Variants in RCCD1 observed in about 807,000 individuals in gnomAD.
The protein encoded by RCCD1 is RCC1 domain-containing protein 1.
A neutral mutation model predicts 37.6 loss-of-function variants in RCCD1; 40 were observed. That is an observed-to-expected ratio of 1.06 (90% CI 0.83 to 1.39). RCCD1 has a LOEUF of 1.39. Among genes scored for constraint, RCCD1 ranks in the 40% most tolerant of loss-of-function variants. RCCD1 has a pLI of 0.00. For synonymous variants in RCCD1, 263 were observed against 230.0 expected (o/e 1.14, Z -1.30); for missense variants, 577 against 517.3 (o/e 1.12, Z -1.12).
intron 4 of RCCD1, 75 bp downstream of exon 4, chr15:90,957,800 G>A (rs1443773620): frequency 2.0e-6 from 3 of 1,523,498 alleles, no homozygotes; most frequent in Non-Finnish European, 2.7e-6. Flanking sequence ...CAGTTTGGGT[G>A]GGGGCCTACC....
Position 90,957,409 on chromosome 15 carries a change from G to C in RCCD1, c.463G>C (p.Ala155Pro), listed in dbSNP as rs2037221470. Residue 155 changes from alanine (A) to proline (P), a missense_variant, in exon 3 of 8, where the codon GCT becomes CCT. Ala to Pro is a conservative substitution (Grantham distance 27, BLOSUM62 -1). Transcript: ENST00000394258. ...SPRAPFYRPL[A>P]PELRARQLEL... Reference sequence around the variant, plus strand: ...GCGGGCGCCCTTCTACCGGCCTCTGGCTCCGGAGCTGCGGGCACGCCAGCT... The same window carrying C: ...GCGGGCGCCCTTCTACCGGCCTCTGCCTCCGGAGCTGCGGGCACGCCAGCT... The C allele has an allele frequency of 1.9e-6, 3 of 1,540,994 alleles. No homozygotes were observed. In the African/African-American group the frequency reaches 4.1e-5, roughly 21 times the overall value.
chr15:90,959,589 G>T (rs2037272334), intron 4 of RCCD1, among the ~76,000 whole-genome samples: 1 of 152,170 alleles, frequency 6.6e-6, no homozygotes, highest in South Asian at 2.1e-4. Context: ...CCTGGCCCTG[G>T]CCCAGTGGTT....
intron 5 of RCCD1, 107 bp downstream of exon 5, chr15:90,960,105 TG>T: frequency 1.9e-6 from 2 of 1,026,308 alleles, no homozygotes; most frequent in Non-Finnish European, 2.9e-6. Context: ...ATGGAGCATG[TG>T]AGCCCCTTAT....
rs184420131 is a variant in RCCD1, at chr15:90,957,014, T to G, written c.167-99T>G. 3.5e-4 allele frequency: 456 copies of G among 1,284,624 alleles called. No homozygotes were observed. The African/African-American group carries it at 6.2e-3, about 18-fold the overall frequency. 79.6% of individuals were successfully genotyped at this position (1,284,624 alleles called of 1,614,324 possible). A position where few individuals can be genotyped will look rare whatever the true frequency, so the allele number is the denominator to read the frequency against. On this transcript the variant is annotated intron_variant, in intron 2 of 7. Coordinates refer to ENST00000394258, the MANE Select transcript of RCCD1 (RefSeq NM_001017919.2). ...CCCGTTCAGGCCGCCAGCCCCACAT[T>G]CTGGGTTGGTCCCCAATTCGACCCC...
At chr15:90,957,878 C>T (rs1378614600) in intron 4 of RCCD1, among the ~76,000 whole-genome samples, 153 bp downstream of exon 4, 1 of 152,186 alleles carries the variant, frequency 6.6e-6, no homozygotes, top group African/African-American at 2.4e-5. Context: ...CTCTCACCCT[C>T]GGCCTCCTCT....
chr15:90,957,492 GGGCGGGGGCAGGTGAGCGGA>G lies in RCCD1; in HGVS notation c.557+6_557+25del, dbSNP rs763116164. The G allele has an allele frequency of 1.1e-4, 172 of 1,557,480 alleles. 1 individual carries two copies. The Middle Eastern group carries it at 3.3e-3, about 30-fold the overall frequency. On this transcript the variant is annotated splice_donor_variant and splice_donor_5th_base_variant and coding_sequence_variant and intron_variant, in exon 3 of 8. Coordinates refer to ENST00000394258, the MANE Select transcript of RCCD1 (RefSeq NM_001017919.2). LOFTEE classifies it high-confidence loss of function. ...ACGCTGCTGGCCAGGTGTTCTCCTG[GGGCGGGGGCAGGTGAGCGGA>G]GGCGGGGGCAGGTGAGGGCTGCTGA...
At chr15:90,957,551 C>T (rs373622747) in intron 3 of RCCD1, 48 bp downstream of exon 3, 1 of 1,609,852 alleles carries the variant, frequency 6.2e-7, no homozygotes, top group Non-Finnish European at 8.5e-7. Context: ...GAGAAGCAAG[C>T]GGAGCGGGAC....
At chr15:90,960,145 G>A (rs1174643706) in intron 5 of RCCD1, 147 bp downstream of exon 5, 8 of 907,640 alleles carry the variant, frequency 8.8e-6, no homozygotes, top group Non-Finnish European at 1.3e-5. Context: ...GGCTGATGCC[G>A]GTCTTGGCAC....
chr15:90,960,813 C>T (rs2037299777), intron 6 of RCCD1: 5 of 662,868 alleles, frequency 7.5e-6, no homozygotes, highest in Non-Finnish European at 1.4e-5. Flanking sequence ...CGCTCGGTAG[C>T]ATGGCACACA....
chr15:90,957,685 T>C lies in RCCD1; in HGVS notation c.639T>C (p.Ala213=). ...LLEALQGLVM[A]EVAAGGWHSV... ...AGGCGTTGCAGGGCCTAGTCATGGC[T>C]GAGGTGGCCGCGGGGGGCTGGCATT... is the stretch of plus-strand genomic sequence containing the variant. Residue 213 remains alanine, a synonymous_variant, in exon 4 of 8, where the codon GCT becomes GCC. Transcript: ENST00000394258. 1 of 1,613,556 alleles carries C rather than the reference T, an allele frequency of 6.2e-7. No homozygotes were observed.
intron 4 of RCCD1, among the ~76,000 whole-genome samples, chr15:90,959,125 C>T (rs1105292): frequency 0.24 from 36,718 of 151,876 alleles, 6,091 homozygotes; most frequent in East Asian, 0.49. Flanking sequence ...TGCTCGGGCC[C>T]TGGGACCTCG....
At position 90,961,805 on chromosome 15, in the gene RCCD1, A is replaced by AC. The variant is rs746753093; in HGVS notation, c.*41dup. On this transcript the variant is annotated 3_prime_UTR_variant, in exon 8 of 8. Coordinates refer to ENST00000394258, the MANE Select transcript of RCCD1 (RefSeq NM_001017919.2). ...TATATGTATATGCAACACCTGTGAGACCCCCATTCAGGTCAAGGAAAACCA... is the reference window on the plus strand; with the variant it reads ...TATATGTATATGCAACACCTGTGAGACCCCCCATTCAGGTCAAGGAAAACCA... The AC allele has an allele frequency of 6.3e-7, 1 of 1,586,048 alleles. No individual in the cohort carries two copies. The highest frequency in any genetic ancestry group is 1.1e-5 in the South Asian group (1 of 87,928).
Position 90,961,896 on chromosome 15 carries a change from C to A in RCCD1, c.*127C>A. On this transcript the variant is annotated 3_prime_UTR_variant, in exon 8 of 8. Transcript: ENST00000394258. Reference sequence around the variant, plus strand: ...CACAGTCCTGCCCTTCACCCTCAAGCACGGTCCTAAACTTGTCTGCACTTT... The same window carrying A: ...CACAGTCCTGCCCTTCACCCTCAAGAACGGTCCTAAACTTGTCTGCACTTT... 1.1e-6 allele frequency: 1 copy of A among 910,974 alleles called. No homozygotes were observed. The highest frequency in any genetic ancestry group is 1.7e-6 in the Non-Finnish European group (1 of 605,706). The allele number at this position is 910,974 out of a possible 1,614,324, so 56.4% of individuals were successfully genotyped here.
At chr15:90,957,777 C>T in intron 4 of RCCD1, 52 bp downstream of exon 4, 1 of 1,542,154 alleles carries the variant, frequency 6.5e-7, no homozygotes, top group Non-Finnish European at 8.8e-7. Context: ...TGCAAACCTT[C>T]CTCCTCGTTT....
chr15:90,957,137 G>T lies in RCCD1; in HGVS notation c.191G>T (p.Gly64Val). 7.4e-7 allele frequency: 1 copy of T among 1,359,424 alleles called. No individual in the cohort carries two copies. Among genetic ancestry groups the T allele is most frequent in the South Asian group, 1.8e-5 (1 of 55,944 alleles). 84.2% of individuals were successfully genotyped at this position (1,359,424 alleles called of 1,614,324 possible). The change falls in exon 3 of 8, where the codon GGC becomes GTC. Residue 64 changes from glycine to valine, a missense_variant. Gly to Val is a moderately radical substitution (Grantham distance 109). Coordinates refer to ENST00000394258, the MANE Select transcript of RCCD1 (RefSeq NM_001017919.2). ...GGTGGAGGCCGCTTGGAGCTGTCGG[G>T]CTCAGCCAGCGGCGCGGCGGGCCGC... The part of the protein sequence containing the change: ...VTRGGRLELS[G>V]SASGAAGRCK...
rs995544381 is a variant in RCCD1 at position 90,962,078 on chromosome 15, G to A, written c.*309G>A. 1 of 197,934 alleles carries A rather than the reference G, an allele frequency of 5.1e-6. No homozygotes were observed. The highest frequency in any genetic ancestry group is 2.3e-5 in the African/African-American group (1 of 43,136). 12.3% of individuals were successfully genotyped at this position (197,934 alleles called of 1,614,324 possible). On this transcript the variant is annotated 3_prime_UTR_variant, in exon 8 of 8. Coordinates refer to ENST00000394258, the MANE Select transcript of RCCD1 (RefSeq NM_001017919.2). ...CCACCTCATCCCAGGTACATTTGAT[G>A]TGCAGCTGAGATTGGGGCACATTCC... is the stretch of plus-strand genomic sequence containing the variant.
chr15:90,956,941 C>T, intron 2 of RCCD1, 41 bp downstream of exon 2: 1 of 1,266,128 alleles, frequency 7.9e-7, no homozygotes, highest in Non-Finnish European at 9.9e-7. Flanking sequence ...TCCAGCCGCG[C>T]TCCCCAGTCG....
rs762509539 is a variant in RCCD1, at chr15:90,957,282, C to G, written c.336C>G (p.Ala112=). ...ESALRGEPLW[A]QNVVPEAEGE... is the part of the protein sequence containing the mutation. ...CGCTGCGTGGGGAGCCATTGTGGGCCCAGAATGTGGTGCCCGAGGCCGAAG... is the reference window on the plus strand; with the variant it reads ...CGCTGCGTGGGGAGCCATTGTGGGCGCAGAATGTGGTGCCCGAGGCCGAAG... The change falls in exon 3 of 8, where the codon GCC becomes GCG. Residue 112 remains alanine (A), a synonymous_variant. Coordinates refer to ENST00000394258, the MANE Select transcript of RCCD1 (RefSeq NM_001017919.2). 59 of 1,520,816 alleles carry G rather than the reference C, an allele frequency of 3.9e-5. No individual in the cohort carries two copies. In the East Asian group the frequency reaches 9.0e-4, roughly 23 times the overall value. The allele number at this position is 1,520,816 out of a possible 1,614,324, so 94.2% of individuals were successfully genotyped here. A position where few individuals can be genotyped will look rare whatever the true frequency, so the allele number is the denominator to read the frequency against.
chr15:90,957,628 C>T lies in RCCD1; in HGVS notation c.582C>T (p.Thr194=). The T allele has an allele frequency of 6.2e-7, 1 of 1,614,134 alleles. No individual in the cohort carries two copies. ...GGRHGQLGHG[T]LEAELEPRLL... Reference sequence around the variant, plus strand: ...GGCATGGACAGCTGGGCCATGGGACCCTGGAGGCAGAGCTGGAGCCACGGC... The same window carrying T: ...GGCATGGACAGCTGGGCCATGGGACTCTGGAGGCAGAGCTGGAGCCACGGC... The change falls in exon 4 of 8, where the codon ACC becomes ACT. Residue 194 remains threonine (T), a synonymous_variant. Transcript: ENST00000394258.
Sources: gnomAD v4.1 joint callset for allele counts (sites outside exome capture counted in the v4.1 genomes callset) on GRCh38, gnomAD v4.1.1 for gene constraint, MANE v1.5 for transcripts, NCBI Gene and HGNC (gene_info 2026-07-23, HGNC 2026-07-21) for gene names.